The following OR11A1 variants were observed in gnomAD, a reference collection of about 807,000 sequenced individuals.
OR11A1 encodes olfactory receptor 11A1.
For missense variants in OR11A1, 380 were observed against 378.2 expected, an observed-to-expected ratio of 1.00 and a Z score of -0.04; for synonymous variants, 158 against 152.2, an observed-to-expected ratio of 1.04 and a Z score of -0.28.
intron 1 of OR11A1, among the ~76,000 whole-genome samples, chr6:29,435,445 GA>G (rs1185837339): frequency 6.6e-6 from 1 of 152,190 alleles, no homozygotes; most frequent in Admixed American, 6.5e-5. Context: ...AGTTGGAAAA[GA>G]AACCACACAT....
intron 1 of OR11A1, among the ~76,000 whole-genome samples, chr6:29,448,543 G>T (rs1161290515): frequency 6.6e-6 from 1 of 152,178 alleles, no homozygotes; most frequent in Non-Finnish European, 1.5e-5. Flanking sequence ...TGCCACTATA[G>T]AATAATGTCT....
In OR11A1 at chr6:29,427,551, T is replaced by TA. The variant is rs1276415425; in HGVS notation, c.90dup (p.Ile31TyrfsTer23). 34 of 1,612,744 alleles carry TA rather than the reference T, an allele frequency of 2.1e-5. No homozygotes were observed. Among genetic ancestry groups the TA allele is most frequent in the Non-Finnish European group, 2.7e-5 (32 of 1,179,980 alleles). ...AAGACATAGACAGCAGTGAATACAA[T>TA]AAAAAACAAGAAATGCAGTTCAGGG... On this transcript the variant is annotated frameshift_variant, in exon 5 of 5. Transcript: ENST00000377149. LOFTEE classifies it low-confidence loss of function (END_TRUNC).
At chr6:29,435,851 T>C (rs2151374274) in intron 1 of OR11A1, among the ~76,000 whole-genome samples, 1 of 152,336 alleles carries the variant, frequency 6.6e-6, no homozygotes, top group South Asian at 2.1e-4. Context: ...AAGAATATTT[T>C]AGCTGTGTCA....
intron 1 of OR11A1, among the ~76,000 whole-genome samples, chr6:29,448,010 C>CTTTTTTTTTTTTTTTTTTTTTTT (rs9280602): frequency 1.3e-5 from 1 of 79,934 alleles, no homozygotes; most frequent in African/African-American, 4.6e-5. Flanking sequence ...ATGACCCTTT[C>CTTTTTTTTTTTTTTTTTTTTTTT]TTTTTTTTTT....
At chr6:29,446,671 G>C (rs180816033) in intron 1 of OR11A1, among the ~76,000 whole-genome samples, 87 of 152,314 alleles carry the variant, frequency 5.7e-4, no homozygotes, top group African/African-American at 1.9e-3. Context: ...GAGAGAATGA[G>C]GAGGTGGAAG....
chr6:29,436,725 ATGAAG>A (rs1783652805), intron 1 of OR11A1, among the ~76,000 whole-genome samples: 1 of 152,260 alleles, frequency 6.6e-6, no homozygotes, highest in Non-Finnish European at 1.5e-5. Flanking sequence ...TCTCATTAAA[ATGAAG>A]TGAATTGTAC....
rs542574419 is a variant in OR11A1 at position 29,431,732 on chromosome 6, GA to G, written c.-265+131del. The stretch of plus-strand genomic sequence containing the variant: ...CTTCTTGAAATGATTTTTAATAAAA[GA>G]CTTTTTGACTCTCTGGGTTAATTGA... On this transcript the variant is annotated intron_variant, in intron 2 of 4. Coordinates refer to ENST00000377149, the MANE Select transcript of OR11A1 (RefSeq NM_001394828.1). 2.9e-4 allele frequency: 96 copies of G among 327,350 alleles called. No homozygotes were observed. The East Asian group carries it at 0.015, about 52-fold the overall frequency. 20.3% of individuals were successfully genotyped at this position (327,350 alleles called of 1,614,324 possible). A position where few individuals can be genotyped will look rare whatever the true frequency, so the allele number is the denominator to read the frequency against.
At chr6:29,432,979 A>G (rs73403384) in intron 1 of OR11A1, among the ~76,000 whole-genome samples, 1 of 152,156 alleles carries the variant, frequency 6.6e-6, no homozygotes, top group African/African-American at 2.4e-5. Flanking sequence ...ATATGCTAAA[A>G]GGTAAGTATA....
chr6:29,427,378 C>T lies in OR11A1; in HGVS notation c.264G>A (p.Leu88=). 3.1e-6 allele frequency: 5 copies of T among 1,613,060 alleles called. No homozygotes were observed. The highest frequency in any genetic ancestry group is 4.2e-6 in the Non-Finnish European group (5 of 1,180,030). The change falls in exon 5 of 5, where the codon CTG becomes CTA. Residue 88 remains leucine (L), a synonymous_variant. Transcript: ENST00000377149. The stretch of plus-strand genomic sequence containing the variant: ...CAGCCACAGAGATAGTTGCTTCTTG[C>T]AGGAAGCCCTCCAGCATTTTTGGCA... ...AVMPKMLEGF[L]QEATISVAGC... is the part of the protein sequence containing the mutation.
At chr6:29,452,459 A>G (rs1465916711) in intron 1 of OR11A1, among the ~76,000 whole-genome samples, 1 of 152,222 alleles carries the variant, frequency 6.6e-6, no homozygotes, top group Admixed American at 6.5e-5. Flanking sequence ...ACATCTACAT[A>G]CATCATAAAC....
In OR11A1 at chr6:29,431,856, A is replaced by G. The variant is rs958297569; in HGVS notation, c.-265+8T>C. Reference sequence around the variant, plus strand: ...AAGCTGTAAAGAATTTTACAAAAATAAACGTACCCGAAATATCGACCCTGT... The same window carrying G: ...AAGCTGTAAAGAATTTTACAAAAATGAACGTACCCGAAATATCGACCCTGT... On this transcript the variant is annotated splice_region_variant and intron_variant, in intron 2 of 4. Transcript: ENST00000377149. The G allele has an allele frequency of 3.0e-6, 3 of 985,266 alleles. No individual in the cohort carries two copies. Among genetic ancestry groups the G allele is most frequent in the Non-Finnish European group, 3.6e-6 (3 of 829,882 alleles). The allele number at this position is 985,266 out of a possible 1,614,324, so 61.0% of individuals were successfully genotyped here. A position where few individuals can be genotyped will look rare whatever the true frequency, so the allele number is the denominator to read the frequency against.
In OR11A1 at chr6:29,440,582, A is replaced by G. The variant is rs145441997; in HGVS notation, c.-388-8595T>C. The G allele has an allele frequency of 2.0e-3, 3,230 of 1,613,828 alleles. 9 individuals are homozygous for G. The highest frequency in any genetic ancestry group is 1.9e-3 in the Non-Finnish European group (2,289 of 1,179,960). ...AGCCTGTCCTGCAGCTGGTATGTGGAGACACCTCGCTTAATGAACTGCAGA... is the reference window on the plus strand; with the variant it reads ...AGCCTGTCCTGCAGCTGGTATGTGGGGACACCTCGCTTAATGAACTGCAGA... On this transcript the variant is annotated intron_variant, in intron 1 of 4. Coordinates refer to ENST00000377149, the MANE Select transcript of OR11A1 (RefSeq NM_001394828.1).
intron 4 of OR11A1, chr6:29,428,408 GGAA>G (rs1783006140): frequency 2.0e-6 from 2 of 985,416 alleles, no homozygotes; most frequent in South Asian, 9.4e-5. Context: ...TCAAGGTCGG[GGAA>G]GGCTTTCTGA....
intron 1 of OR11A1, among the ~76,000 whole-genome samples, chr6:29,446,541 A>G (rs7738736): frequency 0.099 from 15,118 of 152,252 alleles, 1,376 homozygotes; most frequent in African/African-American, 0.24. Flanking sequence ...AAGCAGCAGG[A>G]GTCAGGGCAC....
At chr6:29,433,622 A>C (rs1228009306) in intron 1 of OR11A1, among the ~76,000 whole-genome samples, 2 of 152,084 alleles carry the variant, frequency 1.3e-5, no homozygotes, top group African/African-American at 4.8e-5. Flanking sequence ...GGCTATTGTG[A>C]ATAATACTAC....
At chr6:29,445,442 G>GA (rs1228166221) in intron 1 of OR11A1, among the ~76,000 whole-genome samples, 1 of 151,014 alleles carries the variant, frequency 6.6e-6, no homozygotes, top group Non-Finnish European at 1.5e-5. Flanking sequence ...ACTGAGCAGA[G>GA]AAAAGAGAAA....
chr6:29,455,700 A>AC (rs1196347069), intron 1 of OR11A1, among the ~76,000 whole-genome samples: 2 of 151,640 alleles, frequency 1.3e-5, no homozygotes, highest in East Asian at 3.9e-4. Flanking sequence ...ACATGGTGAA[A>AC]CCCCCTCTCT....
chr6:29,426,610 C>G lies in OR11A1; in HGVS notation c.*84G>C, dbSNP rs1782822232. ...GTTCAAAGAGAATGGTCGAATAAGA[C>G]AAAGTTACTCCTCTCCAACCCATCC... On this transcript the variant is annotated 3_prime_UTR_variant, in exon 5 of 5. Transcript: ENST00000377149. 1 of 1,018,286 alleles carries G rather than the reference C, an allele frequency of 9.8e-7. No homozygotes were observed. The allele number at this position is 1,018,286 out of a possible 1,614,324, so 63.1% of individuals were successfully genotyped here.
At chr6:29,435,048 G>T (rs368665694) in intron 1 of OR11A1, among the ~76,000 whole-genome samples, 5 of 152,218 alleles carry the variant, frequency 3.3e-5, no homozygotes, top group African/African-American at 1.2e-4. Context: ...CACTAAGTTA[G>T]AACTACAGTA....
Sources: gnomAD v4.1 joint callset for allele counts (sites outside exome capture counted in the v4.1 genomes callset) on GRCh38, gnomAD v4.1.1 for gene constraint, MANE v1.5 for transcripts, NCBI Gene and HGNC (gene_info 2026-07-23, HGNC 2026-07-21) for gene names.